RSPH14: variants seen among roughly 807,000 people sequenced by gnomAD.
The protein encoded by RSPH14 is rhabdoid tumor deletion region gene 1.
In RSPH14, 20 loss-of-function variants were observed where a neutral mutation model predicts 26.7. The observed-to-expected ratio is 0.75, with a 90% CI of 0.53 to 1.09. The LOEUF (loss-of-function observed/expected upper bound fraction) is 1.09, where lower values mean the gene tolerates loss of function less well. Ranked by LOEUF, RSPH14 falls within the 50% of genes least tolerant of loss-of-function variation. The pLI is 0.00. For synonymous variants in RSPH14, 177 were observed against 189.3 expected, an observed-to-expected ratio of 0.93 and a Z score of 0.53; for missense variants, 449 against 457.2, an observed-to-expected ratio of 0.98 and a Z score of 0.16.
chr22:23,161,737 G>T, the RSPH14 span: 1 of 606,440 alleles, frequency 1.6e-6, no homozygotes, highest in South Asian at 2.0e-5. Context: ...ACAGTCACTT[G>T]TCCGTTGCAG....
chr22:23,144,373 C>G (rs984278127), upstream of RSPH14, among the ~76,000 whole-genome samples: 5 of 152,180 alleles, frequency 3.3e-5, no homozygotes, highest in Admixed American at 3.3e-4. Context: ...ACATGTAGGA[C>G]AAATGAATAG....
At chr22:23,070,482 C>G (rs1272713000) in intron 4 of RSPH14, 7 of 150,012 alleles carry the variant, frequency 4.7e-5, no homozygotes, top group Non-Finnish European at 1.0e-4. Context: ...TCGTACGGAA[C>G]GAGGGCGCCG....
the RSPH14 span, among the ~76,000 whole-genome samples, chr22:23,178,373 T>TCCACTGCA: frequency 6.8e-6 from 1 of 146,924 alleles, no homozygotes; most frequent in Non-Finnish European, 1.5e-5. Context: ...CAGAGATCAC[T>TCCACTGCA]CCACTGCACT....
chr22:23,146,753 C>G (rs1014037179), upstream of RSPH14: 1 of 1,577,366 alleles, frequency 6.3e-7, no homozygotes, highest in African/African-American at 1.4e-5. Context: ...CCACTCTACA[C>G]TCATGCCTAG....
At chr22:23,100,054 G>A (rs545538695) in intron 4 of RSPH14, among the ~76,000 whole-genome samples, 56 of 152,376 alleles carry the variant, frequency 3.7e-4, no homozygotes, top group African/African-American at 1.3e-3. Flanking sequence ...ATTTCCCGAC[G>A]GAGCTGTCAG....
chr22:23,158,104 C>A, the RSPH14 span: 5 of 1,602,102 alleles, frequency 3.1e-6, no homozygotes, highest in African/African-American at 5.4e-5. Flanking sequence ...CCTGGAAGGG[C>A]TCCCAGACCC....
At chr22:23,150,305 T>A in the RSPH14 span, 9 of 171,012 alleles carry the variant, frequency 5.3e-5, no homozygotes, top group Non-Finnish European at 1.1e-4. Flanking sequence ...TTTTTTTTTC[T>A]TTTTTTTTTT....
chr22:23,087,908 G>A (rs998074108), intron 4 of RSPH14, among the ~76,000 whole-genome samples: 1 of 152,218 alleles, frequency 6.6e-6, no homozygotes, highest in Non-Finnish European at 1.5e-5. Flanking sequence ...TCAGCTGCAT[G>A]ACTCCTAAAC....
the RSPH14 span, among the ~76,000 whole-genome samples, chr22:23,154,714 T>C: frequency 6.6e-6 from 1 of 152,128 alleles, no homozygotes; most frequent in South Asian, 2.1e-4. Flanking sequence ...TACGGGCTCA[T>C]CTCTAGGCCA....
chr22:23,153,246 C>T, the RSPH14 span: 1 of 822,012 alleles, frequency 1.2e-6, no homozygotes, highest in Non-Finnish European at 2.0e-6. Flanking sequence ...TCTAGACAAG[C>T]AGAGCCTGGG....
the RSPH14 span, chr22:23,162,388 A>C: frequency 2.9e-6 from 1 of 344,824 alleles, no homozygotes; most frequent in Admixed American, 3.8e-5. Flanking sequence ...GCAGCCCTTG[A>C]ACATGGCACT....
intron 4 of RSPH14, among the ~76,000 whole-genome samples, chr22:23,119,422 C>T (rs1186503748): frequency 6.6e-6 from 1 of 152,236 alleles, no homozygotes; most frequent in Non-Finnish European, 1.5e-5. Flanking sequence ...TGTGGTTCTT[C>T]AGCCTCCCGC....
At chr22:23,082,776 G>C (rs1016930487) in intron 4 of RSPH14, among the ~76,000 whole-genome samples, 1 of 152,136 alleles carries the variant, frequency 6.6e-6, no homozygotes, top group African/African-American at 2.4e-5. Flanking sequence ...CTGCAGGGAA[G>C]TGTGAGGTTT....
At chr22:23,109,073 G>A (rs2069567071) in intron 4 of RSPH14, among the ~76,000 whole-genome samples, 1 of 152,198 alleles carries the variant, frequency 6.6e-6, no homozygotes. Context: ...GTCTTCATGA[G>A]GCCTGGACAG....
chr22:23,061,672 A>C, intron 6 of RSPH14, 137 bp downstream of exon 6: 3 of 1,101,226 alleles, frequency 2.7e-6, no homozygotes, highest in Non-Finnish European at 3.8e-6. Context: ...CATCAGTGAT[A>C]GGCCAAGGGG....
intron 4 of RSPH14, among the ~76,000 whole-genome samples, chr22:23,093,793 G>A (rs188677646): frequency 1.2e-4 from 19 of 152,196 alleles, no homozygotes; most frequent in Admixed American, 8.5e-4. Flanking sequence ...GGAAAGAGGC[G>A]GCATTAGAGC....
chr22:23,145,046 A>G (rs2070690860), upstream of RSPH14: 1 of 393,008 alleles, frequency 2.5e-6, no homozygotes, highest in South Asian at 4.2e-5. Context: ...ATGCAGACTA[A>G]GGTCAGTAGA....
the RSPH14 span, among the ~76,000 whole-genome samples, chr22:23,156,816 C>G: frequency 6.6e-6 from 1 of 152,222 alleles, no homozygotes; most frequent in Non-Finnish European, 1.5e-5. Context: ...CTCTTCGGGC[C>G]TCTCCTTGAA....
the RSPH14 span, among the ~76,000 whole-genome samples, chr22:23,169,894 G>A: frequency 6.6e-6 from 1 of 152,060 alleles, no homozygotes; most frequent in African/African-American, 2.4e-5. Context: ...CTTGAGCTCA[G>A]GAATTCGAGA....
Sources: gnomAD v4.1 joint callset for allele counts (sites outside exome capture counted in the v4.1 genomes callset) on GRCh38, gnomAD v4.1.1 for gene constraint, MANE v1.5 for transcripts, NCBI Gene and HGNC (gene_info 2026-07-23, HGNC 2026-07-21) for gene names.